Variants in CACNA1B observed in about 807,000 individuals in gnomAD.
CACNA1B encodes calcium voltage-gated channel subunit alpha1 B.
Under a neutral mutation model 247.2 loss-of-function variants are expected in CACNA1B, and 70 were observed. That is an observed-to-expected ratio of 0.28 (90% CI 0.23 to 0.35). CACNA1B has a LOEUF of 0.35. Ranked by LOEUF, CACNA1B falls within the 10% of genes least tolerant of loss-of-function variation. CACNA1B has a pLI of 1.00. For missense variants in CACNA1B, 2,367 were observed against 3,197.4 expected (o/e 0.74, Z 6.26); for synonymous variants, 1,231 against 1,294.4 (o/e 0.95, Z 1.05).
At chr9:137,922,300 C>G (rs900048296) in intron 6 of CACNA1B, among the ~76,000 whole-genome samples, 2 of 150,184 alleles carry the variant, frequency 1.3e-5, no homozygotes, top group Non-Finnish European at 2.9e-5. Flanking sequence ...ATCCTGGGAG[C>G]AGAATAAAGT....
In CACNA1B at chr9:137,955,755, C is replaced by A. The variant is rs1957938998; in HGVS notation, c.1128C>A (p.Arg376=). 2 of 1,613,074 alleles carry A rather than the reference C, an allele frequency of 1.2e-6. No individual in the cohort carries two copies. Among genetic ancestry groups the A allele is most frequent in the African/African-American group, 2.7e-5 (2 of 75,048 alleles). ...ACCGCCGCGCCTTCCTGAAGCTGCG[C>A]CGGCAGCAGCAGATCGAGCGAGAGC... ...VENRRAFLKL[R]RQQQIERELN... is the part of the protein sequence containing the mutation. The change falls in exon 8 of 47, where the codon CGC becomes CGA. Residue 376 remains arginine, a synonymous_variant. Coordinates refer to ENST00000371372, the MANE Select transcript of CACNA1B (RefSeq NM_000718.4). The surrounding 1 kb of genome is among the most constrained non-coding windows in gnomAD (Gnocchi z 6.9).
In CACNA1B at chr9:137,990,338, C is replaced by A. The variant is rs1021345294; in HGVS notation, c.1974+3484C>A. ...AGAGTCTGAGCTCAGACACCCTATT[C>A]CTGCCCCCACCTGGTGGTCTTTCTC... On this transcript the variant is annotated intron_variant, in intron 15 of 46. Transcript: ENST00000371372. The surrounding 1 kb of genome is among the most constrained non-coding windows in gnomAD (Gnocchi z 4.5). Among the ~76,000 whole-genome samples, 2 of 152,102 alleles carry A rather than the reference C, an allele frequency of 1.3e-5. No individual in the cohort carries two copies. Among genetic ancestry groups the A allele is most frequent in the African/African-American group, 4.8e-5 (2 of 41,412 alleles).
In CACNA1B at chr9:138,012,193, C is replaced by T. The variant is rs1423990750; in HGVS notation, c.2161-936C>T. ...GACAGGGAGAGGCTTCTGACAGCCA[C>T]AGCTGGGGAAATGGGGACAGACATG... On this transcript the variant is annotated intron_variant, in intron 17 of 46. Coordinates refer to ENST00000371372, the MANE Select transcript of CACNA1B (RefSeq NM_000718.4). This position sits in a 1 kb window ranked among gnomAD's most constrained non-coding sequence, Gnocchi z 4.2. Among the ~76,000 whole-genome samples the T allele has an allele frequency of 6.6e-6, 1 of 152,162 alleles. No individual in the cohort carries two copies. The highest frequency in any genetic ancestry group is 1.5e-5 in the Non-Finnish European group (1 of 68,044).
intron 23 of CACNA1B, among the ~76,000 whole-genome samples, chr9:138,048,218 C>T (rs1012888674): frequency 3.3e-5 from 5 of 152,254 alleles, no homozygotes; most frequent in South Asian, 2.1e-4. Context: ...TGACCCTTAG[C>T]GAGGTTATGT....
chr9:137,931,821 A>C (rs1957611040), intron 6 of CACNA1B, among the ~76,000 whole-genome samples: 1 of 152,134 alleles, frequency 6.6e-6, no homozygotes, highest in Admixed American at 6.5e-5. Context: ...GAATTTGTTT[A>C]AGAGATTTAA....
intron 6 of CACNA1B, among the ~76,000 whole-genome samples, chr9:137,941,026 C>G (rs1957727366): frequency 6.6e-6 from 1 of 152,140 alleles, no homozygotes; most frequent in African/African-American, 2.4e-5. Context: ...CTCACTCTCA[C>G]CACTCCTCTT....
intron 36 of CACNA1B, among the ~76,000 whole-genome samples, chr9:138,087,713 C>CA (rs57138546): frequency 0.011 from 394 of 35,426 alleles, 59 homozygotes; most frequent in Middle Eastern, 0.022. Context: ...GACTCCGTCT[C>CA]AAAAAAAAAA....
intron 3 of CACNA1B, among the ~76,000 whole-genome samples, chr9:137,897,159 T>C (rs1429090058): frequency 6.6e-6 from 1 of 152,230 alleles, no homozygotes; most frequent in Admixed American, 6.5e-5. Flanking sequence ...GCCCTTATTT[T>C]ATTACTTCCT....
chr9:138,053,753 ACCCCTC>A, intron 25 of CACNA1B, 87 bp from the exon 26 acceptor site: 1 of 720,446 alleles, frequency 1.4e-6, no homozygotes, highest in Non-Finnish European at 2.1e-6. Flanking sequence ...TCGTGGCTCC[ACCCCTC>A]CCCGTGACCC....
chr9:138,115,873 C>T (rs975106077), intron 42 of CACNA1B, among the ~76,000 whole-genome samples, 194 bp downstream of exon 42: 1 of 152,214 alleles, frequency 6.6e-6, no homozygotes, highest in African/African-American at 2.4e-5. Flanking sequence ...CCTCCAAGGA[C>T]AGAGAGCCCC....
rs1554919655 is a variant in CACNA1B, at chr9:137,884,962, C to CCG, written c.530+2080_530+2081insGC. Among the ~76,000 whole-genome samples, 5 of 109,176 alleles carry CCG rather than the reference C, an allele frequency of 4.6e-5. 1 individual carries two copies. The highest frequency in any genetic ancestry group is 2.4e-4 in the East Asian group (1 of 4,138). 71.6% of individuals were successfully genotyped at this position (109,176 alleles called of 152,430 possible). A position where few individuals can be genotyped will look rare whatever the true frequency, so the allele number is the denominator to read the frequency against. On this transcript the variant is annotated intron_variant, in intron 3 of 46. Transcript: ENST00000371372. ...CTCTCCCTCCTCTCCCCTCTTCCCCCCCCCCCTCCTCCCACTTTGCCTGTC... is the reference window on the plus strand; with the variant it reads ...CTCTCCCTCCTCTCCCCTCTTCCCCCCGCCCCCCTCCTCCCACTTTGCCTGTC...
intron 39 of CACNA1B, among the ~76,000 whole-genome samples, chr9:138,110,703 G>A (rs987297814): frequency 2.0e-5 from 3 of 152,150 alleles, no homozygotes; most frequent in African/African-American, 7.2e-5. Context: ...CTGCACTCCA[G>A]CCTGGGCAAC....
At chr9:137,908,473 G>T (rs188969557) in intron 3 of CACNA1B, among the ~76,000 whole-genome samples, 2 of 151,784 alleles carry the variant, frequency 1.3e-5, no homozygotes, top group South Asian at 2.1e-4. Context: ...CCAAGATCAC[G>T]CCATTGCATT....
rs570065406 is a variant in CACNA1B, at chr9:138,002,457, C to T, written c.1975-4310C>T. ...GGCATGGTGGCTCATGCCTATAATC[C>T]CAGTGCTTTGGGAGGCTGAGGTGGG... On this transcript the variant is annotated intron_variant, in intron 15 of 46. Transcript: ENST00000371372. Among the ~76,000 whole-genome samples, 4 of 151,636 alleles carry T rather than the reference C, an allele frequency of 2.6e-5. No homozygotes were observed. The South Asian group carries it at 8.4e-4, about 32-fold the overall frequency.
At chr9:138,069,792 GCAAGTC>G in intron 32 of CACNA1B, 29 bp downstream of exon 32, 1 of 1,601,816 alleles carries the variant, frequency 6.2e-7, no homozygotes, top group Non-Finnish European at 8.6e-7. Context: ...AACGGTTCTT[GCAAGTC>G]CTTGCTTTGC....
rs1318361416 is a variant in CACNA1B, at chr9:138,010,240, T to C, written c.2160+163T>C. On this transcript the variant is annotated intron_variant, in intron 17 of 46. Coordinates refer to ENST00000371372, the MANE Select transcript of CACNA1B (RefSeq NM_000718.4). This position sits in a 1 kb window ranked among gnomAD's most constrained non-coding sequence, Gnocchi z 5.3. ...TCACTCAGGGGCTGGAGGCTGGAGC[T>C]GAGGATGCAGGGAGAGCCAAAGCCC... Among the ~76,000 whole-genome samples the C allele has an allele frequency of 1.3e-5, 2 of 152,006 alleles. No individual in the cohort carries two copies.
At chr9:137,961,354 C>T (rs967456971) in intron 10 of CACNA1B, among the ~76,000 whole-genome samples, 1 of 152,142 alleles carries the variant, frequency 6.6e-6, no homozygotes, top group Non-Finnish European at 1.5e-5. Context: ...TATGTAAATA[C>T]CCTTTATTTC....
chr9:138,058,235 C>G lies in CACNA1B; in HGVS notation c.4293C>G (p.Ser1431Arg). The change falls in exon 28 of 47, where the codon AGC becomes AGG. Residue 1431 changes from serine (S) to arginine (R), a missense_variant. By Grantham distance (110) the Ser-to-Arg change is moderately radical. Coordinates refer to ENST00000371372, the MANE Select transcript of CACNA1B (RefSeq NM_000718.4). The surrounding 1 kb of genome is among the most constrained non-coding windows in gnomAD (Gnocchi z 4.7). ...GGGACAAGGTGATGTCTGAATGCAG[C>G]CTGGAGAAGAACGAGGTAGGTGGAC... is the stretch of plus-strand genomic sequence containing the variant. Reference protein sequence around the residue: ...EQGDKVMSECSLEKNERACID... With the variant: ...EQGDKVMSECRLEKNERACID... The G allele has an allele frequency of 6.2e-7, 1 of 1,613,474 alleles. No individual in the cohort carries two copies. Among genetic ancestry groups the G allele is most frequent in the Non-Finnish European group, 8.5e-7 (1 of 1,179,390 alleles).
At chr9:137,916,034 T>TTC (rs1957406717) in intron 5 of CACNA1B, among the ~76,000 whole-genome samples, 1 of 149,958 alleles carries the variant, frequency 6.7e-6, no homozygotes, top group East Asian at 2.0e-4. Flanking sequence ...TATACAATTT[T>TTC]TTTTTTTTTT....
Sources: gnomAD v4.1 joint callset for allele counts (sites outside exome capture counted in the v4.1 genomes callset) on GRCh38, gnomAD v4.1.1 for gene constraint, Gnocchi (gnomAD v3.1) non-coding constraint, MANE v1.5 for transcripts, NCBI Gene and HGNC (gene_info 2026-07-23, HGNC 2026-07-21) for gene names.